Variants in CACNA1D observed in about 807,000 individuals in gnomAD.
The protein encoded by CACNA1D is voltage-dependent L-type calcium channel subunit alpha-1D.
A neutral mutation model predicts 257.1 loss-of-function variants in CACNA1D; 55 were observed. That is an observed-to-expected ratio of 0.21 (90% CI 0.17 to 0.27). The LOEUF (loss-of-function observed/expected upper bound fraction) is 0.27. Ranked by LOEUF, CACNA1D falls within the 10% of genes least tolerant of loss-of-function variation. The pLI is 1.00. For synonymous variants in CACNA1D, 980 were observed against 1,014.9 expected (o/e 0.97, Z 0.65); for missense variants, 1,876 against 2,784.0 (o/e 0.67, Z 7.34).
chr3:53,652,518 A>T (rs2094108284), intron 4 of CACNA1D, among the ~76,000 whole-genome samples: 1 of 152,228 alleles, frequency 6.6e-6, no homozygotes, highest in Non-Finnish European at 1.5e-5. Flanking sequence ...AGGAAAGACC[A>T]CTACTAGGGA....
chr3:53,666,271 C>T, intron 6 of CACNA1D, 68 bp from the exon 7 acceptor site: 1 of 1,486,572 alleles, frequency 6.7e-7, no homozygotes, highest in Non-Finnish European at 9.4e-7. Context: ...AGGGTTCTCA[C>T]CTTCCGCTGG....
chr3:53,578,437 A>G (rs530136110), intron 3 of CACNA1D, among the ~76,000 whole-genome samples: 20 of 152,286 alleles, frequency 1.3e-4, no homozygotes, highest in African/African-American at 4.6e-4. Context: ...TTGGACAAGT[A>G]ACAGTTCATT....
intron 39 of CACNA1D, 101 bp from the exon 40 acceptor site, chr3:53,786,716 CACCCG>C (rs2109107970): frequency 1.9e-6 from 1 of 540,396 alleles, no homozygotes; most frequent in Non-Finnish European, 3.6e-6. Flanking sequence ...CCGGACCGCC[CACCCG>C]CCCCACTCTG....
chr3:53,658,732 T>G (rs761118593), intron 4 of CACNA1D, among the ~76,000 whole-genome samples: 6 of 152,218 alleles, frequency 3.9e-5, no homozygotes, highest in Non-Finnish European at 8.8e-5. Context: ...AGTAATCTTT[T>G]AAAAACTATG....
At chr3:53,521,252 A>G (rs2091563432) in intron 3 of CACNA1D, among the ~76,000 whole-genome samples, 1 of 152,042 alleles carries the variant, frequency 6.6e-6, no homozygotes, top group African/African-American at 2.4e-5. Flanking sequence ...TACGTTGCCC[A>G]AACTGGTCTT....
chr3:53,728,777 G>C (rs2094960534), intron 15 of CACNA1D, among the ~76,000 whole-genome samples: 1 of 152,192 alleles, frequency 6.6e-6, no homozygotes, highest in Non-Finnish European at 1.5e-5. Context: ...AGACATTCCA[G>C]TGTGTGGTGT....
At chr3:53,733,279 C>G (rs1034387340) in intron 19 of CACNA1D, among the ~76,000 whole-genome samples, 2 of 152,210 alleles carry the variant, frequency 1.3e-5, no homozygotes, top group Non-Finnish European at 2.9e-5. Flanking sequence ...TCCACCCCAG[C>G]ATATTCCAGC....
At chr3:53,702,472 G>A (rs1310243442) in intron 8 of CACNA1D, among the ~76,000 whole-genome samples, 169 bp from the exon 9 acceptor site, 1 of 152,228 alleles carries the variant, frequency 6.6e-6, no homozygotes, top group Non-Finnish European at 1.5e-5. Context: ...TGCTTTGGAA[G>A]ACACTGTCTT....
chr3:53,631,451 A>G (rs1346446124), intron 3 of CACNA1D, among the ~76,000 whole-genome samples: 3 of 152,144 alleles, frequency 2.0e-5, no homozygotes, highest in Non-Finnish European at 2.9e-5. Flanking sequence ...ATTCTTTGCT[A>G]TTTCCACCAT....
chr3:53,733,912 TTGTGTGTGTGTGTGTGTTTGTGTGTG>T (rs2095025635), intron 19 of CACNA1D, among the ~76,000 whole-genome samples: 1 of 111,200 alleles, frequency 9.0e-6, no homozygotes, highest in South Asian at 3.4e-4. Context: ...CTACAGCCCT[TTGTGTGTGTGTGTGTGTTTGTGTGTG>T]TGTGTGTGTG....
chr3:53,749,073 C>T (rs1192665755), intron 26 of CACNA1D, 195 bp from the exon 27 acceptor site: 2 of 697,700 alleles, frequency 2.9e-6, no homozygotes, highest in East Asian at 2.7e-5. Context: ...ATCCTGGGTG[C>T]CCCCTCCTCT....
rs1228310795 is a variant in CACNA1D at position 53,730,570 on chromosome 3, C to T, written c.2336+14C>T. On this transcript the variant is annotated intron_variant, in intron 16 of 47. Coordinates refer to ENST00000350061, the MANE Select transcript of CACNA1D (RefSeq NM_001128840.3). ...AAAGATTGCCAGGTAACCCTATTTT[C>T]CCCTGACGTGTTTGTCCAGGGGCTG... is the stretch of plus-strand genomic sequence containing the variant. 10 of 1,578,282 alleles carry T rather than the reference C, an allele frequency of 6.3e-6. No homozygotes were observed. The highest frequency in any genetic ancestry group is 1.7e-4 in the Middle Eastern group (1 of 5,994).
At chr3:53,672,578 C>T (rs1435267352) in intron 7 of CACNA1D, among the ~76,000 whole-genome samples, 2 of 152,126 alleles carry the variant, frequency 1.3e-5, no homozygotes, top group Non-Finnish European at 2.9e-5. Context: ...AACACAAAGT[C>T]TAAAATCTTG....
Position 53,673,328 on chromosome 3 carries a change from C to T in CACNA1D, c.1220+202C>T, listed in dbSNP as rs556060771. On this transcript the variant is annotated intron_variant, in intron 8 of 47. Coordinates refer to ENST00000350061, the MANE Select transcript of CACNA1D (RefSeq NM_001128840.3). This position sits in a 1 kb window ranked among gnomAD's most constrained non-coding sequence, Gnocchi z 4.1. Reference sequence around the variant, plus strand: ...GGCTTCATGAAGGAGAACTATAGAACGATTATTGACCAGAAATTAATCAGC... The same window carrying T: ...GGCTTCATGAAGGAGAACTATAGAATGATTATTGACCAGAAATTAATCAGC... Among the ~76,000 whole-genome samples the T allele has an allele frequency of 6.6e-6, 1 of 152,244 alleles. No individual in the cohort carries two copies. Among genetic ancestry groups the T allele is most frequent in the African/African-American group, 2.4e-5 (1 of 41,526 alleles).
chr3:53,791,234 G>A, intron 40 of CACNA1D: 2 of 568,856 alleles, frequency 3.5e-6, no homozygotes, highest in Non-Finnish European at 6.2e-6. Flanking sequence ...GCCTGTCGCG[G>A]ACGTTGCTCA....
intron 3 of CACNA1D, among the ~76,000 whole-genome samples, chr3:53,602,374 T>C (rs2093454850): frequency 6.6e-6 from 1 of 152,238 alleles, no homozygotes; most frequent in Admixed American, 6.5e-5. Flanking sequence ...GCACTTAACT[T>C]GATTCTGTAT....
intron 38 of CACNA1D, 24 bp downstream of exon 38, chr3:53,780,152 C>T (rs747928616): frequency 2.6e-6 from 4 of 1,548,110 alleles, no homozygotes; most frequent in African/African-American, 1.4e-5. Flanking sequence ...GCCAGCAAGA[C>T]AAGATGGCAG....
Position 53,569,156 on chromosome 3 carries a change from C to T in CACNA1D, c.483+67436C>T, listed in dbSNP as rs201955523. 3.9e-5 allele frequency among the ~76,000 whole-genome samples: 6 copies of T among 152,188 alleles called. No homozygotes were observed. The East Asian group carries it at 1.2e-3, about 29-fold the overall frequency. On this transcript the variant is annotated intron_variant, in intron 3 of 47. Transcript: ENST00000350061. ...GGAGTGCCTGGAGGAGTCTTTAGGC[C>T]TTCTCCTCCTATTTCTATCAGCACT...
chr3:53,726,036 A>G, intron 14 of CACNA1D, among the ~76,000 whole-genome samples: 1 of 152,184 alleles, frequency 6.6e-6, no homozygotes, highest in Non-Finnish European at 1.5e-5. Flanking sequence ...GTAATTTCAT[A>G]GGTATAATTA....
Sources: allele counts gnomAD v4.1 joint callset (sites outside exome capture counted in the v4.1 genomes callset), GRCh38; gene constraint gnomAD v4.1.1; non-coding constraint Gnocchi (gnomAD v3.1); transcripts MANE v1.5; gene names NCBI Gene and HGNC (gene_info 2026-07-23, HGNC 2026-07-21).